C2orf72: variants seen among roughly 807,000 people sequenced by gnomAD.
C2orf72 encodes the protein chromosome 2 open reading frame 72.
A neutral mutation model predicts 14.4 loss-of-function variants in C2orf72; 16 were observed. That is an observed-to-expected ratio of 1.11 (90% CI 0.75 to 1.69). The LOEUF (loss-of-function observed/expected upper bound fraction) is 1.69, where lower values mean the gene tolerates loss of function less well. C2orf72 is among the 40% of genes most tolerant of loss of function. The pLI is 0.00. For missense variants in C2orf72, 371 were observed against 358.3 expected, an observed-to-expected ratio of 1.04 and a Z score of -0.29; for synonymous variants, 168 against 176.8, an observed-to-expected ratio of 0.95 and a Z score of 0.40.
rs775136339 is a variant in C2orf72 at position 231,048,171 on chromosome 2, C to T, written c.*1150C>T. The T allele has an allele frequency of 2.6e-5, 4 of 152,206 alleles. No individual in the cohort carries two copies. Among genetic ancestry groups the T allele is most frequent in the Non-Finnish European group, 4.4e-5 (3 of 68,042 alleles). 9.4% of individuals were successfully genotyped at this position (152,206 alleles called of 1,614,324 possible). On this transcript the variant is annotated 3_prime_UTR_variant, in exon 3 of 3. Transcript: ENST00000373640. ...GCTGGGAAATCCATGTGTTTATTCA[C>T]GGAGGGAACTCACCATTACCTCCCT...
intron 2 of C2orf72, among the ~76,000 whole-genome samples, chr2:231,045,833 T>G (rs1693408547): frequency 6.6e-6 from 1 of 152,196 alleles, no homozygotes; most frequent in Non-Finnish European, 1.5e-5. Flanking sequence ...TGTTTCAGTC[T>G]TATGGGACCA....
rs1262779845 is a variant in C2orf72, at chr2:231,048,413, A to C, written c.*1392A>C. 6.6e-6 allele frequency: 1 copy of C among 152,370 alleles called. No individual in the cohort carries two copies. The highest frequency in any genetic ancestry group is 1.5e-5 in the Non-Finnish European group (1 of 68,168). The allele number at this position is 152,370 out of a possible 1,614,324, so 9.4% of individuals were successfully genotyped here. A position where few individuals can be genotyped will look rare whatever the true frequency, so the allele number is the denominator to read the frequency against. On this transcript the variant is annotated 3_prime_UTR_variant, in exon 3 of 3. Coordinates refer to ENST00000373640, the MANE Select transcript of C2orf72 (RefSeq NM_001144994.2). ...TTGTTATTTCAGCTCTCTCCAGGAT[A>C]GTGCCAAATGGTGCAATGGGAAACC...
rs1164540848 is a variant in C2orf72 at position 231,047,251 on chromosome 2, G to T, written c.*230G>T. ...CAGCATTTGCTAAGTCTGATCACAG[G>T]GAGGTTATTTTGTCTCTCTGTCTCG... On this transcript the variant is annotated 3_prime_UTR_variant, in exon 3 of 3. Coordinates refer to ENST00000373640, the MANE Select transcript of C2orf72 (RefSeq NM_001144994.2). The T allele has an allele frequency of 3.9e-5, 25 of 643,916 alleles. No individual in the cohort carries two copies. 39.9% of individuals were successfully genotyped at this position (643,916 alleles called of 1,614,324 possible). A position where few individuals can be genotyped will look rare whatever the true frequency, so the allele number is the denominator to read the frequency against.
intron 1 of C2orf72, among the ~76,000 whole-genome samples, chr2:231,039,850 C>A (rs534521593): frequency 6.6e-6 from 1 of 151,896 alleles, no homozygotes; most frequent in East Asian, 1.9e-4. Flanking sequence ...TCAAGCAATT[C>A]TTCTGCCTCA....
At position 231,037,756 on chromosome 2, in the gene C2orf72, C is replaced by G. The variant is rs190787545; in HGVS notation, c.191C>G (p.Ala64Gly). Residue 64 changes from alanine to glycine, a missense_variant, in exon 1 of 3, where the codon GCC (alanine) becomes GGC (glycine). Physicochemically the swap from Ala to Gly is moderately conservative, Grantham distance 60. Around this residue, in one of 3 missense-constraint regions of C2orf72, gnomAD observed 214 missense variants for 178.7 expected, o/e 1.20. Coordinates refer to ENST00000373640, the MANE Select transcript of C2orf72 (RefSeq NM_001144994.2). The part of the protein sequence containing the change: ...RAVFPPEPGA[A>G]KPGGAAAEGA... Reference sequence around the variant, plus strand: ...GTGTTCCCGCCGGAGCCAGGCGCGGCCAAGCCGGGCGGCGCGGCGGCAGAG... The same window carrying G: ...GTGTTCCCGCCGGAGCCAGGCGCGGGCAAGCCGGGCGGCGCGGCGGCAGAG... 255,643 of 996,982 alleles carry G rather than the reference C, an allele frequency of 0.26. 33,540 individuals are homozygous for G. Among genetic ancestry groups the G allele is most frequent in the South Asian group, 0.39 (8,597 of 22,234 alleles). 61.8% of individuals were successfully genotyped at this position (996,982 alleles called of 1,614,324 possible). A position where few individuals can be genotyped will look rare whatever the true frequency, so the allele number is the denominator to read the frequency against.
intron 2 of C2orf72, among the ~76,000 whole-genome samples, chr2:231,044,946 T>TAC (rs1491312074): frequency 3.9e-5 from 2 of 50,874 alleles, no homozygotes; most frequent in African/African-American, 6.4e-4. Context: ...TATATATCTT[T>TAC]ATATATATAT....
intron 1 of C2orf72, 45 bp from the exon 2 acceptor site, chr2:231,041,251 T>C: frequency 7.3e-7 from 1 of 1,372,240 alleles, no homozygotes; most frequent in Non-Finnish European, 1.0e-6. Flanking sequence ...TCTTGTGAAG[T>C]GGGAACCATG....
Position 231,048,930 on chromosome 2 carries a change from T to G in C2orf72, c.*1909T>G. On this transcript the variant is annotated 3_prime_UTR_variant, in exon 3 of 3. Coordinates refer to ENST00000373640, the MANE Select transcript of C2orf72 (RefSeq NM_001144994.2). ...AATCATCTTATTAAAGTTTTCTTAT[T>G]TAGTGGGAGAGGGAGCTTTGTTTAA... 1 of 152,238 alleles carries G rather than the reference T, an allele frequency of 6.6e-6. No homozygotes were observed. The highest frequency in any genetic ancestry group is 1.9e-4 in the East Asian group (1 of 5,208). 9.4% of individuals were successfully genotyped at this position (152,238 alleles called of 1,614,324 possible).
chr2:231,046,520 GAC>G (rs1693417949), intron 2 of C2orf72, among the ~76,000 whole-genome samples: 1 of 152,110 alleles, frequency 6.6e-6, no homozygotes, highest in South Asian at 2.1e-4. Flanking sequence ...TCACCTAAAA[GAC>G]AGTCCAGAGA....
Position 231,043,541 on chromosome 2 carries a change from T to G in C2orf72, c.748+2132T>G, listed in dbSNP as rs898591812. ...CTCTTTAAAATTTAATAAACTCACT[T>G]CTATATCATCTTCAAAATGCAGTAG... On this transcript the variant is annotated intron_variant, in intron 2 of 2. Transcript: ENST00000373640. Among the ~76,000 whole-genome samples the G allele has an allele frequency of 4.3e-4, 66 of 152,348 alleles. 1 individual carries two copies. The highest frequency in any genetic ancestry group is 1.5e-3 in the African/African-American group (64 of 41,584).
At chr2:231,045,806 C>T (rs934040687) in intron 2 of C2orf72, among the ~76,000 whole-genome samples, 4 of 152,160 alleles carry the variant, frequency 2.6e-5, no homozygotes, top group African/African-American at 7.2e-5. Flanking sequence ...GCGTGAGCCA[C>T]GGCGCCCGGC....
chr2:231,043,499 A>G (rs914554709), intron 2 of C2orf72, among the ~76,000 whole-genome samples: 8 of 152,220 alleles, frequency 5.3e-5, no homozygotes, highest in African/African-American at 1.9e-4. Context: ...CATTCTATTT[A>G]CCTATCTCTC....
At chr2:231,040,159 G>A (rs7579744) in intron 1 of C2orf72, among the ~76,000 whole-genome samples, 42,674 of 151,846 alleles carry the variant, frequency 0.28, 6,522 homozygotes, top group African/African-American at 0.39. Flanking sequence ...TTCCTCCTCC[G>A]GGAAGCCTCC....
chr2:231,038,326 C>A, intron 1 of C2orf72, 127 bp downstream of exon 1: 1 of 782,022 alleles, frequency 1.3e-6, no homozygotes, highest in Non-Finnish European at 1.6e-6. Context: ...CAGGGAGGTG[C>A]CTAGAGCCAG....
At chr2:231,044,664 T>C (rs1394231701) in intron 2 of C2orf72, among the ~76,000 whole-genome samples, 2 of 138,138 alleles carry the variant, frequency 1.4e-5, no homozygotes, top group African/African-American at 6.0e-5. Flanking sequence ...TTTCCTATTT[T>C]AATTTTTTTT....
chr2:231,039,824 C>G (rs192783122), intron 1 of C2orf72, among the ~76,000 whole-genome samples: 147 of 152,016 alleles, frequency 9.7e-4, no homozygotes, highest in African/African-American at 3.4e-3. Context: ...CTCACTGCAA[C>G]CTCTGCCTCC....
At chr2:231,040,587 A>G (rs925450164) in intron 1 of C2orf72, among the ~76,000 whole-genome samples, 3 of 152,236 alleles carry the variant, frequency 2.0e-5, no homozygotes, top group African/African-American at 2.4e-5. Flanking sequence ...AAATGGATTC[A>G]TGTCACTAAG....
At chr2:231,041,650 C>G (rs2125136971) in intron 2 of C2orf72, among the ~76,000 whole-genome samples, 1 of 152,080 alleles carries the variant, frequency 6.6e-6, no homozygotes, top group South Asian at 2.1e-4. Flanking sequence ...ATGGGGAGGG[C>G]TGTAACAAAG....
intron 1 of C2orf72, among the ~76,000 whole-genome samples, chr2:231,040,572 A>G (rs994165406): frequency 2.0e-5 from 3 of 152,220 alleles, no homozygotes; most frequent in Admixed American, 6.5e-5. Flanking sequence ...TATTATCTTC[A>G]CACCAAATGG....
Sources: gnomAD v4.1 joint callset for allele counts (sites outside exome capture counted in the v4.1 genomes callset) on GRCh38, gnomAD v4.1.1 for gene constraint, gnomAD v4.1.1 regional missense constraint, MANE v1.5 for transcripts, NCBI Gene and HGNC (gene_info 2026-07-23, HGNC 2026-07-21) for gene names.